CYP7B1: variants seen among roughly 807,000 people sequenced by gnomAD.
The protein encoded by CYP7B1 is cytochrome P450 7B1.
CYP7B1 carries 29 observed loss-of-function variants against 42.7 expected under a neutral mutation model. The observed-to-expected ratio is 0.68, with a 90% CI of 0.51 to 0.93. CYP7B1 has a LOEUF of 0.93. Ranked by LOEUF, CYP7B1 falls within the 40% of genes least tolerant of loss-of-function variation. The pLI, the probability that CYP7B1 is intolerant of heterozygous loss-of-function variation, is 0.00. For missense variants in CYP7B1, 655 were observed against 600.5 expected (o/e 1.09, Z -0.95); for synonymous variants, 235 against 218.2 (o/e 1.08, Z -0.68).
intron 1 of CYP7B1, among the ~76,000 whole-genome samples, chr8:64,791,566 C>A (rs1367151620): frequency 6.6e-6 from 1 of 152,286 alleles, no homozygotes; most frequent in Non-Finnish European, 1.5e-5. Flanking sequence ...TGGTGGCCTC[C>A]AGACGCTGGA....
At chr8:64,750,919 C>T (rs73688006) in intron 1 of CYP7B1, among the ~76,000 whole-genome samples, 12,262 of 152,158 alleles carry the variant, frequency 0.081, 741 homozygotes, top group African/African-American at 0.16. Flanking sequence ...TCCCGCTGTA[C>T]GCTTCTTGAC....
At position 64,727,572 on chromosome 8, in the gene CYP7B1, G is replaced by C. The variant is rs897032815; in HGVS notation, c.122+70894C>G. ...TTCCAACATCAAAGCCACCGCATCT[G>C]TCCCAGTACTGCATTCTTCTAAACT... On this transcript the variant is annotated intron_variant, in intron 1 of 5. Transcript: ENST00000310193. Among the ~76,000 whole-genome samples, 3 of 152,176 alleles carry C rather than the reference G, an allele frequency of 2.0e-5. No individual in the cohort carries two copies. In the South Asian group the frequency reaches 6.2e-4, roughly 32 times the overall value.
At chr8:64,792,588 T>C (rs1585917875) in intron 1 of CYP7B1, among the ~76,000 whole-genome samples, 2 of 152,172 alleles carry the variant, frequency 1.3e-5, no homozygotes, top group Admixed American at 6.5e-5. Context: ...CCCTCAACCA[T>C]GTCAGCAGAA....
chr8:64,722,628 T>C (rs1807256108), intron 1 of CYP7B1, among the ~76,000 whole-genome samples: 1 of 151,696 alleles, frequency 6.6e-6, no homozygotes, highest in Non-Finnish European at 1.5e-5. Context: ...TATTTGCAAT[T>C]TTCACTTTTA....
At chr8:64,629,651 C>T (rs180854436) in intron 1 of CYP7B1, among the ~76,000 whole-genome samples, 5 of 152,014 alleles carry the variant, frequency 3.3e-5, no homozygotes, top group East Asian at 1.9e-4. Flanking sequence ...TGTGTTTTAC[C>T]GTTCTTTGAC....
chr8:64,650,778 T>A (rs922418462), intron 1 of CYP7B1, among the ~76,000 whole-genome samples: 1 of 152,232 alleles, frequency 6.6e-6, no homozygotes, highest in Non-Finnish European at 1.5e-5. Flanking sequence ...CTTGGACCTC[T>A]AAGAAACTTA....
At chr8:64,693,426 C>T (rs1806778483) in intron 1 of CYP7B1, among the ~76,000 whole-genome samples, 2 of 152,200 alleles carry the variant, frequency 1.3e-5, no homozygotes, top group East Asian at 3.9e-4. Flanking sequence ...AGAGGCCAGG[C>T]TCCCTCTTAT....
chr8:64,714,645 T>C (rs947795812), intron 1 of CYP7B1, among the ~76,000 whole-genome samples: 2 of 152,176 alleles, frequency 1.3e-5, no homozygotes, highest in African/African-American at 4.8e-5. Context: ...TCAGGAAGTC[T>C]AAGGTCAATC....
intron 1 of CYP7B1, among the ~76,000 whole-genome samples, chr8:64,653,235 A>G (rs890489161): frequency 6.6e-6 from 1 of 152,212 alleles, no homozygotes; most frequent in Non-Finnish European, 1.5e-5. Flanking sequence ...AAAATTAATA[A>G]GATAGATATA....
At position 64,793,712 on chromosome 8, in the gene CYP7B1, A is replaced by C. The variant is rs564115579; in HGVS notation, c.122+4754T>G. ...TTAAAACACTTTAAACATTTTTCTC[A>C]AAGTTTATTTTAAATAAAATATTAA... On this transcript the variant is annotated intron_variant, in intron 1 of 5. Transcript: ENST00000310193. Among the ~76,000 whole-genome samples the C allele has an allele frequency of 2.0e-5, 3 of 152,116 alleles. No homozygotes were observed. In the South Asian group the frequency reaches 6.2e-4, roughly 32 times the overall value.
intron 5 of CYP7B1, among the ~76,000 whole-genome samples, chr8:64,604,107 C>A (rs1310639863): frequency 5.9e-5 from 9 of 152,122 alleles, no homozygotes; most frequent in Non-Finnish European, 1.5e-5. Flanking sequence ...GAAAAAAACA[C>A]AGGGAGATGA....
intron 1 of CYP7B1, among the ~76,000 whole-genome samples, chr8:64,712,716 TC>T (rs1310878550): frequency 6.6e-6 from 1 of 150,510 alleles, no homozygotes; most frequent in Non-Finnish European, 1.5e-5. Flanking sequence ...ATATACATTT[TC>T]TCATTTTATA....
At chr8:64,775,071 T>C (rs1412634611) in intron 1 of CYP7B1, among the ~76,000 whole-genome samples, 1 of 152,174 alleles carries the variant, frequency 6.6e-6, no homozygotes, top group African/African-American at 2.4e-5. Context: ...ATGGTTTTCT[T>C]GTCTCTGAAC....
chr8:64,768,327 T>C (rs181110535), intron 1 of CYP7B1, among the ~76,000 whole-genome samples: 30 of 151,844 alleles, frequency 2.0e-4, no homozygotes, highest in African/African-American at 6.5e-4. Context: ...TTGTATGGGA[T>C]CTCTGTTTTC....
At chr8:64,769,632 T>A (rs922979237) in intron 1 of CYP7B1, among the ~76,000 whole-genome samples, 1 of 152,218 alleles carries the variant, frequency 6.6e-6, no homozygotes, top group Non-Finnish European at 1.5e-5. Context: ...ATGTATTCCA[T>A]CCAGTATACT....
chr8:64,687,634 A>T (rs188903594), intron 1 of CYP7B1, among the ~76,000 whole-genome samples: 2 of 152,356 alleles, frequency 1.3e-5, no homozygotes, highest in East Asian at 3.9e-4. Context: ...GATAACACCT[A>T]AAAGTATGTA....
intron 1 of CYP7B1, among the ~76,000 whole-genome samples, chr8:64,783,748 G>A (rs1804472038): frequency 6.6e-6 from 1 of 152,090 alleles, no homozygotes; most frequent in African/African-American, 2.4e-5. Context: ...TCAGAGAAAT[G>A]GGGACTTGAC....
chr8:64,673,097 T>A (rs568035391), intron 1 of CYP7B1, among the ~76,000 whole-genome samples: 2 of 152,136 alleles, frequency 1.3e-5, no homozygotes, highest in Admixed American at 6.6e-5. Context: ...TCTCCCCCTT[T>A]GCTCTAGTCT....
chr8:64,726,997 G>A (rs551679520), intron 1 of CYP7B1, among the ~76,000 whole-genome samples: 1 of 152,102 alleles, frequency 6.6e-6, no homozygotes, highest in African/African-American at 2.4e-5. Flanking sequence ...AATGAGTATG[G>A]GATGAAGGAG....
Sources: gnomAD v4.1 joint callset for allele counts (sites outside exome capture counted in the v4.1 genomes callset) on GRCh38, gnomAD v4.1.1 for gene constraint, MANE v1.5 for transcripts, NCBI Gene and HGNC (gene_info 2026-07-23, HGNC 2026-07-21) for gene names.